Variants in NTRK3 observed in about 807,000 individuals in gnomAD.
NTRK3 encodes the protein neurotrophic receptor tyrosine kinase 3.
In NTRK3, 24 loss-of-function variants were observed where a neutral mutation model predicts 91.7. That is an observed-to-expected ratio of 0.26 (90% confidence interval 0.19 to 0.37). The LOEUF (loss-of-function observed/expected upper bound fraction) is 0.37. Among genes scored for constraint, NTRK3 ranks in the 10% least tolerant of loss-of-function variants. The probability of loss-of-function intolerance (pLI) is 1.00; values close to 1 mark genes in which losing one functional copy is unlikely to be tolerated. For synonymous variants in NTRK3, 483 were observed against 404.0 expected, an observed-to-expected ratio of 1.20 and a Z score of -2.34; for missense variants, 880 against 1,068.9, an observed-to-expected ratio of 0.82 and a Z score of 2.46.
At chr15:88,227,175 G>C (rs1389977410) in intron 3 of NTRK3, among the ~76,000 whole-genome samples, 1 of 151,956 alleles carries the variant, frequency 6.6e-6, no homozygotes, top group African/African-American at 2.4e-5. Flanking sequence ...CATCCTCCCC[G>C]TCGGGTCTCT....
chr15:87,951,147 C>A (rs978494485), intron 14 of NTRK3, among the ~76,000 whole-genome samples: 2 of 152,170 alleles, frequency 1.3e-5, no homozygotes, highest in Admixed American at 6.5e-5. Context: ...CTGGGGTACC[C>A]GTCCCCACTT....
At position 88,256,340 on chromosome 15, in the gene NTRK3, A is replaced by ACGC. The variant is rs542135987; in HGVS notation, c.-75_-73dup. 1.4e-3 allele frequency: 917 copies of ACGC among 637,992 alleles called. 7 individuals are homozygous for ACGC. Among genetic ancestry groups the ACGC allele is most frequent in the South Asian group, 8.7e-3 (493 of 56,398 alleles). 39.5% of individuals were successfully genotyped at this position (637,992 alleles called of 1,614,324 possible). The stretch of plus-strand genomic sequence containing the variant: ...CCTTCAGCGTCTGAAACCATCGCGG[A>ACGC]CGCCGCCGCCGCCGCCGCCGCCGCC... On this transcript the variant is annotated 5_prime_UTR_variant, in exon 2 of 19. Coordinates refer to ENST00000394480, the Ensembl canonical transcript of NTRK3.
intron 3 of NTRK3, among the ~76,000 whole-genome samples, chr15:88,236,346 CT>C (rs1351507776): frequency 6.6e-6 from 1 of 151,650 alleles, no homozygotes; most frequent in Non-Finnish European, 1.5e-5. Context: ...TTCTATGAAG[CT>C]GTAGAAGAAG....
chr15:87,896,106 T>C (rs960296042), intron 17 of NTRK3, among the ~76,000 whole-genome samples: 1 of 152,180 alleles, frequency 6.6e-6, no homozygotes, highest in Non-Finnish European at 1.5e-5. Context: ...GGGCACATGT[T>C]CTCAGGACCT....
At chr15:88,073,185 A>G (rs771599308) in intron 13 of NTRK3, among the ~76,000 whole-genome samples, 2 of 152,204 alleles carry the variant, frequency 1.3e-5, no homozygotes, top group Non-Finnish European at 2.9e-5. Flanking sequence ...AAAAATGCAC[A>G]TTCTTGGGTT....
At chr15:88,159,943 T>TACACATACACACACAC (rs1491565928) in intron 5 of NTRK3, among the ~76,000 whole-genome samples, 2 of 111,968 alleles carry the variant, frequency 1.8e-5, no homozygotes, top group African/African-American at 6.7e-5. Context: ...CCCAGCCTCC[T>TACACATACACACACAC]ACACACACAC....
At chr15:88,154,997 C>T (rs999182701) in intron 5 of NTRK3, among the ~76,000 whole-genome samples, 5 of 152,208 alleles carry the variant, frequency 3.3e-5, no homozygotes, top group South Asian at 2.1e-4. Flanking sequence ...GCCTGTAGGT[C>T]GGCAGTCTGT....
chr15:88,220,840 A>G (rs747985451), intron 3 of NTRK3, among the ~76,000 whole-genome samples: 21 of 152,260 alleles, frequency 1.4e-4, no homozygotes, highest in Non-Finnish European at 2.4e-4. Flanking sequence ...CATCCATAGG[A>G]AGTGATCATG....
At position 88,187,719 on chromosome 15, in the gene NTRK3, T is replaced by C. The variant is rs148783052; in HGVS notation, c.249-3420A>G. 4.3e-3 allele frequency among the ~76,000 whole-genome samples: 659 copies of C among 152,110 alleles called. 7 individuals are homozygous for C. Among genetic ancestry groups the C allele is most frequent in the African/African-American group, 0.015 (623 of 41,510 alleles). On this transcript the variant is annotated intron_variant, in intron 3 of 18. Transcript: ENST00000394480. ...GAGGCTGAGGCGGGTGGATCATTCATGGTCAGGAGTTCGAGACCAGCCTGG... is the reference window on the plus strand; with the variant it reads ...GAGGCTGAGGCGGGTGGATCATTCACGGTCAGGAGTTCGAGACCAGCCTGG...
chr15:88,044,927 C>T (rs1407353244), intron 13 of NTRK3, among the ~76,000 whole-genome samples: 1 of 152,212 alleles, frequency 6.6e-6, no homozygotes, highest in Non-Finnish European at 1.5e-5. Flanking sequence ...CTGCTGGGGG[C>T]TGTGCATGCC....
chr15:87,922,090 G>A (rs1020195545), intron 17 of NTRK3, among the ~76,000 whole-genome samples: 8 of 152,138 alleles, frequency 5.3e-5, no homozygotes, highest in African/African-American at 1.9e-4. Flanking sequence ...GTGGAACCCT[G>A]TGATCCTAAA....
intron 5 of NTRK3, among the ~76,000 whole-genome samples, chr15:88,158,213 C>T (rs553610756): frequency 2.1e-4 from 32 of 152,328 alleles, no homozygotes; most frequent in African/African-American, 7.0e-4. Context: ...ACTCAGTGAA[C>T]ATGCTCTGTC....
chr15:87,918,671 C>T (rs2067633614), intron 17 of NTRK3, among the ~76,000 whole-genome samples: 1 of 152,204 alleles, frequency 6.6e-6, no homozygotes, highest in African/African-American at 2.4e-5. Flanking sequence ...TTCTTATATT[C>T]CCTATGAGAT....
exon 19 of NTRK3, chr15:87,865,630 T>A (rs1186712458): frequency 4.6e-6 from 1 of 217,938 alleles, no homozygotes; most frequent in African/African-American, 2.2e-5. Context: ...ACCAAATTTA[T>A]AGAGAAAGTT....
chr15:87,902,802 A>C (rs1017053557), intron 17 of NTRK3, among the ~76,000 whole-genome samples: 8 of 152,194 alleles, frequency 5.3e-5, no homozygotes, highest in Admixed American at 2.6e-4. Flanking sequence ...TATTTCTAGA[A>C]ATGAACCAAA....
intron 10 of NTRK3, among the ~76,000 whole-genome samples, chr15:88,130,264 G>A (rs1245440881): frequency 6.6e-6 from 1 of 152,112 alleles, no homozygotes; most frequent in African/African-American, 2.4e-5. Flanking sequence ...TAAATAAAAG[G>A]TGGAAGAATG....
intron 13 of NTRK3, among the ~76,000 whole-genome samples, chr15:88,063,509 C>T (rs1274344761): frequency 6.6e-6 from 1 of 152,214 alleles, no homozygotes; most frequent in East Asian, 1.9e-4. Flanking sequence ...TGTCTCTCTG[C>T]TGTGATCGCA....
intron 14 of NTRK3, among the ~76,000 whole-genome samples, chr15:87,982,935 T>C (rs1207179776): frequency 6.6e-6 from 1 of 151,904 alleles, no homozygotes; most frequent in Non-Finnish European, 1.5e-5. Flanking sequence ...CCCTGCATCT[T>C]CTGCCTACAC....
At chr15:88,077,043 G>A (rs1235813145) in intron 13 of NTRK3, among the ~76,000 whole-genome samples, 7 of 152,086 alleles carry the variant, frequency 4.6e-5, no homozygotes, top group South Asian at 2.1e-4. Context: ...GCAACGAGCC[G>A]AGATCATGCC....
Sources: gnomAD v4.1 joint callset for allele counts (sites outside exome capture counted in the v4.1 genomes callset) on GRCh38, gnomAD v4.1.1 for gene constraint, MANE v1.5 for transcripts, NCBI Gene and HGNC (gene_info 2026-07-23, HGNC 2026-07-21) for gene names.